KRT83: variants seen among roughly 807,000 people sequenced by gnomAD.
KRT83 encodes the protein keratin 83.
In KRT83, 51 loss-of-function variants were observed where a neutral mutation model predicts 52.9. The observed-to-expected ratio is 0.96, with a 90% CI of 0.77 to 1.22. The LOEUF is 1.22. Ranked by LOEUF, KRT83 falls within the 50% of genes most tolerant of loss-of-function variation. KRT83 has a pLI of 0.00. For missense variants in KRT83, 654 were observed against 666.5 expected, an observed-to-expected ratio of 0.98 and a Z score of 0.21; for synonymous variants, 278 against 274.1, an observed-to-expected ratio of 1.01 and a Z score of -0.14.
At position 52,317,165 on chromosome 12, in the gene KRT83, C is replaced by T; in HGVS notation, c.751-142G>A. ...CCTGATGAAATCACATAACTTTCTGCACAAATAGGAAATCCCTTTAGAGGA... is the reference window on the plus strand; with the variant it reads ...CCTGATGAAATCACATAACTTTCTGTACAAATAGGAAATCCCTTTAGAGGA... On this transcript the variant is annotated intron_variant, in intron 4 of 8. Transcript: ENST00000293670. 4 of 1,132,636 alleles carry T rather than the reference C, an allele frequency of 3.5e-6. No homozygotes were observed. The South Asian group carries it at 4.3e-5, about 12-fold the overall frequency. 70.2% of individuals were successfully genotyped at this position (1,132,636 alleles called of 1,614,324 possible). A position where few individuals can be genotyped will look rare whatever the true frequency, so the allele number is the denominator to read the frequency against.
chr12:52,317,007 T>C lies in KRT83; in HGVS notation c.767A>G (p.Gln256Arg). The C allele has an allele frequency of 6.2e-7, 1 of 1,614,192 alleles. No individual in the cohort carries two copies. Among genetic ancestry groups the C allele is most frequent in the African/African-American group, 1.3e-5 (1 of 75,040 alleles). The change falls in exon 5 of 9, where the codon CAA (glutamine) becomes CGA (arginine). Residue 256 changes from glutamine to arginine, a missense_variant. Coordinates refer to ENST00000293670, the MANE Select transcript of KRT83 (RefSeq NM_002282.3). The stretch of plus-strand genomic sequence containing the variant: ...CACGGAGGTGTCTGAGATGTGGGAT[T>C]GGAGAATGCGGATCTCCTGCAGGAG... ...RLYEEEIRILQSHISDTSVVV... is the reference protein window; with the variant it reads ...RLYEEEIRILRSHISDTSVVV...
At chr12:52,318,566 GA>G (rs931207955) in intron 2 of KRT83, among the ~76,000 whole-genome samples, 2 of 152,182 alleles carry the variant, frequency 1.3e-5, no homozygotes, top group Non-Finnish European at 2.9e-5. Context: ...GACAGGGAGG[GA>G]GGGGTATGCT....
intron 2 of KRT83, among the ~76,000 whole-genome samples, chr12:52,318,616 A>T (rs1282103429): frequency 6.6e-6 from 1 of 152,128 alleles, no homozygotes; most frequent in Non-Finnish European, 1.5e-5. Context: ...TACTGAAGGA[A>T]GCTGGCCACC....
rs1380757855 is a variant in KRT83 at position 52,319,272 on chromosome 12, CAG to C, written c.475_476del (p.Leu159ValfsTer18). The C allele has an allele frequency of 1.1e-5, 18 of 1,614,040 alleles. No individual in the cohort carries two copies. The Middle Eastern group carries it at 8.3e-4, about 75-fold the overall frequency. On this transcript the variant is annotated frameshift_variant, in exon 2 of 9. Transcript: ENST00000293670. LOFTEE classifies it high-confidence loss of function. ...RECCQSNLEP[L>X]FAGYIETLRR... ...GCAGAGTCTCGATGTAGCCAGCAAACAGGGGCTCCAGGTTACTCTGGCAGCAC... is the reference window on the plus strand; with the variant it reads ...GCAGAGTCTCGATGTAGCCAGCAAACGGGCTCCAGGTTACTCTGGCAGCAC...
Position 52,317,869 on chromosome 12 carries a change from G to C in KRT83, c.654+41C>G, listed in dbSNP as rs200630110. 4 of 1,611,880 alleles carry C rather than the reference G, an allele frequency of 2.5e-6. No individual in the cohort carries two copies. In the South Asian group the frequency reaches 3.3e-5, roughly 13 times the overall value. On this transcript the variant is annotated intron_variant, in intron 3 of 8. Coordinates refer to ENST00000293670, the MANE Select transcript of KRT83 (RefSeq NM_002282.3). The stretch of plus-strand genomic sequence containing the variant: ...TGGCAGGACAAAGAGGATGGGTGGC[G>C]GGACTCAGGGCGGGCTCAGGGCCAG...
chr12:52,318,020 G>T, intron 2 of KRT83, 50 bp from the exon 3 acceptor site: 3 of 1,539,982 alleles, frequency 1.9e-6, no homozygotes, highest in Non-Finnish European at 2.7e-6. Flanking sequence ...TCTTGATCTT[G>T]GCCATGAGCA....
intron 7 of KRT83, 62 bp downstream of exon 7, chr12:52,315,831 G>C (rs923137468): frequency 1.2e-6 from 2 of 1,608,122 alleles, no homozygotes; most frequent in Non-Finnish European, 1.7e-6. Flanking sequence ...GACTGAGATA[G>C]GGAAAAATCA....
In KRT83 at chr12:52,317,682, T is replaced by A; in HGVS notation, c.749A>T (p.Glu250Val). ...CCACCATGGTTGAGAGCCCCTCACC[T>A]CCTCGTACAGCCGCCTCAGGAAGTC... The part of the protein sequence containing the change: ...EIDFLRRLYE[E>V]EIRILQSHIS... Residue 250 changes from glutamate (E) to valine (V), a missense_variant and splice_region_variant, in exon 4 of 9, where the codon GAG becomes GTG. Coordinates refer to ENST00000293670, the MANE Select transcript of KRT83 (RefSeq NM_002282.3). The A allele has an allele frequency of 1.2e-6, 2 of 1,612,148 alleles. No individual in the cohort carries two copies. The highest frequency in any genetic ancestry group is 1.7e-6 in the Non-Finnish European group (2 of 1,179,878).
chr12:52,316,261 T>TACACAC (rs71092759), intron 6 of KRT83, 148 bp from the exon 7 acceptor site: 125 of 812,316 alleles, frequency 1.5e-4, no homozygotes, highest in Admixed American at 7.3e-4. Flanking sequence ...TCACTTACAC[T>TACACAC]ACACACACAC....
rs765525450 is a variant in KRT83, at chr12:52,315,614, T to C, written c.1263-271A>G. Among the ~76,000 whole-genome samples, 13 of 152,372 alleles carry C rather than the reference T, an allele frequency of 8.5e-5. No homozygotes were observed. The South Asian group carries it at 2.1e-3, about 24-fold the overall frequency. On this transcript the variant is annotated intron_variant, in intron 7 of 8. Transcript: ENST00000293670. ...TGAACAACCTGAACAACCATATCTGTCAGGTCTAGATAGGCTCAACTTTCA... is the reference window on the plus strand; with the variant it reads ...TGAACAACCTGAACAACCATATCTGCCAGGTCTAGATAGGCTCAACTTTCA...
chr12:52,315,103 T>C (rs1468328580), intron 8 of KRT83, among the ~76,000 whole-genome samples: 7 of 152,194 alleles, frequency 4.6e-5, no homozygotes. Context: ...TGCAATGACA[T>C]CTTATTATTT....
In KRT83 at chr12:52,319,169, C is replaced by T. The variant is rs1350135637; in HGVS notation, c.580G>A (p.Gly194Ser). Residue 194 changes from glycine (G) to serine (S), a missense_variant, in exon 2 of 9, where the codon GGC (glycine) becomes AGC (serine). Transcript: ENST00000293670. ...ELNHVQEVLE[G>S]YKKKYEEEVA... is the part of the protein sequence containing the mutation. ...GCCCACACTCACTTCTTCTTGTAGC[C>T]CTCCAGCACCTCCTGCACGTGGTTG... is the stretch of plus-strand genomic sequence containing the variant. 1.9e-6 allele frequency: 3 copies of T among 1,613,348 alleles called. No individual in the cohort carries two copies. The highest frequency in any genetic ancestry group is 1.7e-5 in the Admixed American group (1 of 60,022).
At position 52,317,043 on chromosome 12, in the gene KRT83, G is replaced by A. The variant is rs1244268373; in HGVS notation, c.751-20C>T. 1 of 1,614,084 alleles carries A rather than the reference G, an allele frequency of 6.2e-7. No homozygotes were observed. Among genetic ancestry groups the A allele is most frequent in the Non-Finnish European group, 8.5e-7 (1 of 1,180,036 alleles). On this transcript the variant is annotated intron_variant, in intron 4 of 8. Coordinates refer to ENST00000293670, the MANE Select transcript of KRT83 (RefSeq NM_002282.3). ...GATCTCCTGCAGGAGGTGGGGAAAG[G>A]AAGGACAACTCACTTATCTGGGCTT... is the stretch of plus-strand genomic sequence containing the variant.
At chr12:52,319,124 C>T (rs755055795) in intron 2 of KRT83, 32 bp downstream of exon 2, 6 of 1,612,506 alleles carry the variant, frequency 3.7e-6, no homozygotes, top group Non-Finnish European at 5.1e-6. Flanking sequence ...ATGCTATTTC[C>T]TGTGCCCAGA....
rs762078992 is a variant in KRT83 at position 52,315,280 on chromosome 12, A to G, written c.1294+32T>C. ...TCAAGAAGTCCTTTGTCCCCAGTCT[A>G]CATTTTCCTTTTCAGGGCTCAAGAT... On this transcript the variant is annotated intron_variant, in intron 8 of 8. Coordinates refer to ENST00000293670, the MANE Select transcript of KRT83 (RefSeq NM_002282.3). 13 of 1,609,412 alleles carry G rather than the reference A, an allele frequency of 8.1e-6. No homozygotes were observed. The East Asian group carries it at 2.9e-4, about 36-fold the overall frequency.
rs1446511324 is a variant in KRT83 at position 52,320,997 on chromosome 12, C to T, written c.339G>A (p.Glu113=). 6.2e-7 allele frequency: 1 copy of T among 1,613,662 alleles called. No individual in the cohort carries two copies. The highest frequency in any genetic ancestry group is 1.7e-5 in the Admixed American group (1 of 60,030). The change falls in exon 1 of 9, where the codon GAG becomes GAA. Residue 113 remains glutamate, a synonymous_variant. Transcript: ENST00000293670. ...ATCTGCTGTTGAGGGACTTGATCTG[C>T]TCCTTCTCCTCCTGCTTCACGCACT... ...NAQCVKQEEK[E]QIKSLNSRFA... is the part of the protein sequence containing the mutation.
intron 4 of KRT83, among the ~76,000 whole-genome samples, chr12:52,317,235 C>G (rs559702065): frequency 6.6e-6 from 1 of 152,322 alleles, no homozygotes; most frequent in African/African-American, 2.4e-5. Context: ...ATTATTCAGG[C>G]CCATGTGCAG....
In KRT83 at chr12:52,321,003, C is replaced by T. The variant is rs1938758771; in HGVS notation, c.333G>A (p.Glu111=). 1 of 1,611,282 alleles carries T rather than the reference C, an allele frequency of 6.2e-7. No individual in the cohort carries two copies. Among genetic ancestry groups the T allele is most frequent in the Non-Finnish European group, 8.5e-7 (1 of 1,179,880 alleles). ...TGTTGAGGGACTTGATCTGCTCCTT[C>T]TCCTCCTGCTTCACGCACTGCGCGT... The part of the protein sequence containing the change: ...DPNAQCVKQE[E]KEQIKSLNSR... The change falls in exon 1 of 9, where the codon GAG becomes GAA. Residue 111 remains glutamate, a synonymous_variant. Coordinates refer to ENST00000293670, the MANE Select transcript of KRT83 (RefSeq NM_002282.3).
At chr12:52,318,526 C>T (rs769846474) in intron 2 of KRT83, among the ~76,000 whole-genome samples, 5 of 152,164 alleles carry the variant, frequency 3.3e-5, no homozygotes, top group African/African-American at 1.2e-4. Flanking sequence ...TCTCTCCCCT[C>T]CTGGCCTGAG....
Sources: allele counts gnomAD v4.1 joint callset (sites outside exome capture counted in the v4.1 genomes callset), GRCh38; gene constraint gnomAD v4.1.1; transcripts MANE v1.5; gene names NCBI Gene and HGNC (gene_info 2026-07-23, HGNC 2026-07-21).